ARHGAP28: variants seen among roughly 807,000 people sequenced by gnomAD.
The protein encoded by ARHGAP28 is Rho GTPase activating protein 28.
In ARHGAP28, 56 loss-of-function variants were observed where a neutral mutation model predicts 90.7. The ratio of observed to expected loss-of-function variants is 0.62; its 90% CI spans 0.50 to 0.77. The LOEUF (loss-of-function observed/expected upper bound fraction) is 0.77, where lower values mean the gene tolerates loss of function less well. ARHGAP28 is among the 30% of genes least tolerant of loss of function. The probability of loss-of-function intolerance (pLI) is 0.00; values close to 1 mark genes in which losing one functional copy is unlikely to be tolerated. For synonymous variants in ARHGAP28, 308 were observed against 323.3 expected (o/e 0.95, Z 0.51); for missense variants, 869 against 900.9 (o/e 0.96, Z 0.45).
At chr18:6,755,430 G>T (rs1269230577) in intron 1 of ARHGAP28, among the ~76,000 whole-genome samples, 1 of 151,986 alleles carries the variant, frequency 6.6e-6, no homozygotes, top group Non-Finnish European at 1.5e-5. Flanking sequence ...GGGAAATGAA[G>T]TGTTTAAAGG....
At chr18:6,841,189 CTCTCTCTCT>C (rs2056817284) in intron 3 of ARHGAP28, among the ~76,000 whole-genome samples, 1 of 59,716 alleles carries the variant, frequency 1.7e-5, no homozygotes, top group Non-Finnish European at 3.2e-5. Flanking sequence ...TCCTCTCTCT[CTCTCTCTCT>C]CTCTCCTCTC....
At chr18:6,816,296 A>T (rs2056590192) in intron 1 of ARHGAP28, among the ~76,000 whole-genome samples, 1 of 152,148 alleles carries the variant, frequency 6.6e-6, no homozygotes, top group Non-Finnish European at 1.5e-5. Context: ...GTTGTTTATA[A>T]ACATGTTAGA....
At chr18:6,754,380 A>C (rs557397184) in intron 1 of ARHGAP28, among the ~76,000 whole-genome samples, 47 of 152,310 alleles carry the variant, frequency 3.1e-4, no homozygotes, top group African/African-American at 1.1e-3. Context: ...ATACAGCTCT[A>C]TACTGGGTAT....
At chr18:6,847,853 A>G (rs2143208878) in intron 3 of ARHGAP28, among the ~76,000 whole-genome samples, 1 of 152,324 alleles carries the variant, frequency 6.6e-6, no homozygotes, top group South Asian at 2.1e-4. Context: ...AAAGGGATAC[A>G]GAGCAAAATC....
intron 4 of ARHGAP28, among the ~76,000 whole-genome samples, chr18:6,858,427 T>C (rs4798499): frequency 0.73 from 111,140 of 152,084 alleles, 40,915 homozygotes; most frequent in East Asian, 0.84. Flanking sequence ...GAATTCTTCG[T>C]TGGTTTCCAG....
chr18:6,753,276 T>C (rs1211845448), intron 1 of ARHGAP28, among the ~76,000 whole-genome samples: 4 of 152,224 alleles, frequency 2.6e-5, no homozygotes, highest in African/African-American at 4.8e-5. Flanking sequence ...GTAGGAAAAT[T>C]AGTTTGAGAT....
At chr18:6,905,325 T>TTGA (rs1176835384) in intron 16 of ARHGAP28, among the ~76,000 whole-genome samples, 3 of 152,068 alleles carry the variant, frequency 2.0e-5, no homozygotes, top group Admixed American at 6.6e-5. Context: ...GTCATTTCAA[T>TTGA]TGATACAGAA....
In ARHGAP28 at chr18:6,837,223, C is replaced by T; in HGVS notation, c.352C>T (p.Gln118Ter). The T allele has an allele frequency of 6.4e-7, 1 of 1,563,392 alleles. No homozygotes were observed. The highest frequency in any genetic ancestry group is 8.6e-7 in the Non-Finnish European group (1 of 1,157,198). Residue 118 changes from glutamine (Q) to a stop codon, truncating the protein, a stop_gained, in exon 3 of 18, where the codon CAA becomes TAA. Transcript: ENST00000383472. LOFTEE classifies it high-confidence loss of function. ...DEGELEAEWL[Q>*]DVGLSTLISG... Reference sequence around the variant, plus strand: ...AGGAGAACTTGAAGCAGAATGGCTGCAAGATGTGGGTTTATCAACTCTGAT... The same window carrying T: ...AGGAGAACTTGAAGCAGAATGGCTGTAAGATGTGGGTTTATCAACTCTGAT...
At chr18:6,754,049 A>C (rs530426633) in intron 1 of ARHGAP28, among the ~76,000 whole-genome samples, 36 of 152,342 alleles carry the variant, frequency 2.4e-4, no homozygotes, top group African/African-American at 8.4e-4. Context: ...ACTTATCTCA[A>C]ATATGACCAT....
At chr18:6,895,111 G>A (rs2057295215) in intron 15 of ARHGAP28, among the ~76,000 whole-genome samples, 1 of 152,164 alleles carries the variant, frequency 6.6e-6, no homozygotes, top group Non-Finnish European at 1.5e-5. Context: ...GAAAGTTATA[G>A]GAGGAATAAG....
chr18:6,874,023 A>G (rs773470921), intron 9 of ARHGAP28, among the ~76,000 whole-genome samples: 25 of 152,224 alleles, frequency 1.6e-4, no homozygotes, highest in Non-Finnish European at 5.9e-5. Context: ...ATCAGGTGAC[A>G]GACACAGATG....
intron 1 of ARHGAP28, among the ~76,000 whole-genome samples, chr18:6,734,625 A>G (rs919418223): frequency 6.6e-6 from 1 of 152,202 alleles, no homozygotes; most frequent in Admixed American, 6.5e-5. Context: ...AACTAAATTT[A>G]GCAACTTTTA....
At chr18:6,828,099 G>C (rs1381363710) in intron 2 of ARHGAP28, among the ~76,000 whole-genome samples, 1 of 152,158 alleles carries the variant, frequency 6.6e-6, no homozygotes, top group Non-Finnish European at 1.5e-5. Flanking sequence ...CTGCAATCCC[G>C]GCACCTTGGG....
chr18:6,777,799 A>G (rs1310397418), intron 1 of ARHGAP28, among the ~76,000 whole-genome samples: 5 of 152,174 alleles, frequency 3.3e-5, no homozygotes, highest in African/African-American at 1.2e-4. Context: ...TCAGCCTGTA[A>G]GTGAGAAGAA....
intron 4 of ARHGAP28, among the ~76,000 whole-genome samples, chr18:6,858,605 A>G (rs1285418300): frequency 2.0e-5 from 3 of 151,328 alleles, no homozygotes; most frequent in Non-Finnish European, 4.4e-5. Flanking sequence ...GCGCAATGGC[A>G]CAATCTTGGC....
At chr18:6,742,418 C>T (rs990939092) in intron 1 of ARHGAP28, among the ~76,000 whole-genome samples, 30 of 152,230 alleles carry the variant, frequency 2.0e-4, no homozygotes, top group African/African-American at 6.7e-4. Context: ...GATCCACCCA[C>T]CTCGGCTTTC....
At chr18:6,881,318 A>G (rs1466675242) in intron 10 of ARHGAP28, among the ~76,000 whole-genome samples, 1 of 152,210 alleles carries the variant, frequency 6.6e-6, no homozygotes, top group Non-Finnish European at 1.5e-5. Flanking sequence ...CTTTCTAAGT[A>G]TCTTTTCTGG....
In ARHGAP28 at chr18:6,851,097, C is replaced by T. The variant is rs1220741760; in HGVS notation, c.607C>T (p.Pro203Ser). The T allele has an allele frequency of 6.2e-7, 1 of 1,614,008 alleles. No individual in the cohort carries two copies. The highest frequency in any genetic ancestry group is 8.5e-7 in the Non-Finnish European group (1 of 1,179,988). The change falls in exon 4 of 18, where the codon CCA becomes TCA. Residue 203 changes from proline (P) to serine (S), a missense_variant. Physicochemically the swap from Pro to Ser is moderately conservative, Grantham distance 74. Transcript: ENST00000383472. The stretch of plus-strand genomic sequence containing the variant: ...TGGCACCAAGGAAGAAAGAGAGCTT[C>T]CAAGAGTTATCAAGACAAGTGGTTC... ...LDGTKEEREL[P>S]RVIKTSGSMP...
intron 1 of ARHGAP28, among the ~76,000 whole-genome samples, chr18:6,740,221 A>G (rs2055964651): frequency 6.6e-6 from 1 of 152,138 alleles, no homozygotes; most frequent in South Asian, 2.1e-4. Context: ...TTCTTCCTCT[A>G]TTCTCTCCCA....
Sources: gnomAD v4.1 joint callset for allele counts (sites outside exome capture counted in the v4.1 genomes callset) on GRCh38, gnomAD v4.1.1 for gene constraint, MANE v1.5 for transcripts, NCBI Gene and HGNC (gene_info 2026-07-23, HGNC 2026-07-21) for gene names.